MFAP2: variants seen among roughly 807,000 people sequenced by gnomAD.
MFAP2 encodes the protein microfibrillar-associated protein 2.
MFAP2 carries 23 observed loss-of-function variants against 30.6 expected under a neutral mutation model. The observed-to-expected ratio is 0.75, with a 90% CI of 0.54 to 1.07. MFAP2 has a LOEUF of 1.07. Among genes scored for constraint, MFAP2 ranks in the 50% least tolerant of loss-of-function variants. The probability of loss-of-function intolerance (pLI) is 0.00; values close to 1 mark genes in which losing one functional copy is unlikely to be tolerated. For missense variants in MFAP2, 198 were observed against 223.8 expected (o/e 0.88, Z 0.74); for synonymous variants, 73 against 85.7 (o/e 0.85, Z 0.82).
Position 16,976,190 on chromosome 1 carries a change from T to C in MFAP2, c.286+311A>G. 1 of 550,578 alleles carries C rather than the reference T, an allele frequency of 1.8e-6. No homozygotes were observed. Among genetic ancestry groups the C allele is most frequent in the Non-Finnish European group, 3.3e-6 (1 of 306,090 alleles). The allele number at this position is 550,578 out of a possible 1,614,324, so 34.1% of individuals were successfully genotyped here. A position where few individuals can be genotyped will look rare whatever the true frequency, so the allele number is the denominator to read the frequency against. The stretch of plus-strand genomic sequence containing the variant: ...TCCCTGGCCCTTCCTCGCCTCCACA[T>C]GTGCACCACTCAGTCTCTCTGGCTG... On this transcript the variant is annotated intron_variant, in intron 6 of 8. Coordinates refer to ENST00000375535, the MANE Select transcript of MFAP2 (RefSeq NM_002403.4). This position sits in a 1 kb window ranked among gnomAD's most constrained non-coding sequence, Gnocchi z 5.5.
upstream of MFAP2, among the ~76,000 whole-genome samples, chr1:16,981,496 C>A (rs2100592966): frequency 6.6e-6 from 1 of 152,350 alleles, no homozygotes; most frequent in Middle Eastern, 3.4e-3. Context: ...TAATCCAGCA[C>A]CCACCCGTGA....
rs763734113 is a variant in MFAP2 at position 16,976,790 on chromosome 1, C to A, written c.159G>T (p.Val53=). The A allele has an allele frequency of 6.2e-7, 1 of 1,614,050 alleles. No individual in the cohort carries two copies. Among genetic ancestry groups the A allele is most frequent in the Non-Finnish European group, 8.5e-7 (1 of 1,179,982 alleles). ...DNPDYYDYQE[V]TPRPSEEQFQ... is the part of the protein sequence containing the mutation. ...ACTGTTCCTCGGAGGGCCGAGGAGTCACCTCTGCAGCCAGGGGAGGATAAG... is the reference window on the plus strand; with the variant it reads ...ACTGTTCCTCGGAGGGCCGAGGAGTAACCTCTGCAGCCAGGGGAGGATAAG... The change falls in exon 5 of 9, where the codon GTG becomes GTT. Residue 53 remains valine (V), a synonymous_variant. Coordinates refer to ENST00000375535, the MANE Select transcript of MFAP2 (RefSeq NM_002403.4). This position sits in a 1 kb window ranked among gnomAD's most constrained non-coding sequence, Gnocchi z 5.5.
chr1:16,975,285 A>G lies in MFAP2; in HGVS notation c.432T>C (p.His144=), dbSNP rs761422. ...CCTTCCTACCTCGGAGGAGCTCCTC[A>G]TGGGCACACACTGTACGAACACAGA... ...KEICVRTVCA[H]EELLRADLCR... The change falls in exon 8 of 9, where the codon CAT becomes CAC. Residue 144 remains histidine, a synonymous_variant. Coordinates refer to ENST00000375535, the MANE Select transcript of MFAP2 (RefSeq NM_002403.4). The surrounding 1 kb of genome is among the most constrained non-coding windows in gnomAD (Gnocchi z 5.0). 0.47 allele frequency: 758,878 copies of G among 1,612,558 alleles called. 181,000 individuals carry two copies. Among genetic ancestry groups the G allele is most frequent in the Non-Finnish European group, 0.49 (573,407 of 1,179,170 alleles).
At position 16,975,629 on chromosome 1, in the gene MFAP2, C is replaced by CCAT. The variant is rs1483875081; in HGVS notation, c.374+11_374+13dup. 1.6e-5 allele frequency: 25 copies of CCAT among 1,612,872 alleles called. No individual in the cohort carries two copies. The highest frequency in any genetic ancestry group is 2.1e-5 in the Non-Finnish European group (25 of 1,179,140). On this transcript the variant is annotated intron_variant, in intron 7 of 8. Transcript: ENST00000375535. This position sits in a 1 kb window ranked among gnomAD's most constrained non-coding sequence, Gnocchi z 5.0. ...GCTCCGGAATCCTCCCGACAGCTGC[C>CCAT]CATCTGTGCTCACCTGTAGAAGCAG...
At position 16,976,402 on chromosome 1, in the gene MFAP2, G is replaced by A; in HGVS notation, c.286+99C>T. Reference sequence around the variant, plus strand: ...GCCCACACTGCCAAGAGCCCACATGGGCAAGGGCCAAAGACCTCCAGCCCA... The same window carrying A: ...GCCCACACTGCCAAGAGCCCACATGAGCAAGGGCCAAAGACCTCCAGCCCA... On this transcript the variant is annotated intron_variant, in intron 6 of 8. Transcript: ENST00000375535. This position sits in a 1 kb window ranked among gnomAD's most constrained non-coding sequence, Gnocchi z 5.5. 6.7e-7 allele frequency: 1 copy of A among 1,496,030 alleles called. No individual in the cohort carries two copies. The highest frequency in any genetic ancestry group is 9.3e-7 in the Non-Finnish European group (1 of 1,073,716). 92.7% of individuals were successfully genotyped at this position (1,496,030 alleles called of 1,614,324 possible). A position where few individuals can be genotyped will look rare whatever the true frequency, so the allele number is the denominator to read the frequency against.
chr1:16,979,455 T>C (rs1266863342), intron 1 of MFAP2, among the ~76,000 whole-genome samples: 1 of 152,172 alleles, frequency 6.6e-6, no homozygotes, highest in African/African-American at 2.4e-5. Context: ...GGTCTTTCCC[T>C]CCTTCCTCTC....
In MFAP2 at chr1:16,976,979, T is replaced by C. The variant is rs374155216; in HGVS notation, c.128-56A>G. The C allele has an allele frequency of 1.2e-6, 2 of 1,613,746 alleles. No homozygotes were observed. On this transcript the variant is annotated intron_variant, in intron 3 of 8. Coordinates refer to ENST00000375535, the MANE Select transcript of MFAP2 (RefSeq NM_002403.4). The surrounding 1 kb of genome is among the most constrained non-coding windows in gnomAD (Gnocchi z 5.5). ...GGAGTAAGGCTAATCCCCCAGCCCC[T>C]GGGGCAAACAAGTTCCCTCCTGAGC... is the stretch of plus-strand genomic sequence containing the variant.
rs1214587403 is a variant in MFAP2 at position 16,976,035 on chromosome 1, GA to G, written c.287-306del. ...CCGAGCAGACGTGCCCACGCTCACA[GA>G]AGCCCACATAGGAGCGCTCACACCA... On this transcript the variant is annotated intron_variant, in intron 6 of 8. Coordinates refer to ENST00000375535, the MANE Select transcript of MFAP2 (RefSeq NM_002403.4). This position sits in a 1 kb window ranked among gnomAD's most constrained non-coding sequence, Gnocchi z 5.5. 4.2e-6 allele frequency: 2 copies of G among 478,222 alleles called. No homozygotes were observed. Among genetic ancestry groups the G allele is most frequent in the Non-Finnish European group, 7.6e-6 (2 of 264,554 alleles). 29.6% of individuals were successfully genotyped at this position (478,222 alleles called of 1,614,324 possible).
In MFAP2 at chr1:16,978,161, C is replaced by T. The variant is rs1284595933; in HGVS notation, c.37+76G>A. Reference sequence around the variant, plus strand: ...GGTCATAAGTCGTGACAAAGGCTCACTATGAATTCCCCCTACTAACCCTAC... The same window carrying T: ...GGTCATAAGTCGTGACAAAGGCTCATTATGAATTCCCCCTACTAACCCTAC... On this transcript the variant is annotated intron_variant, in intron 2 of 8. Coordinates refer to ENST00000375535, the MANE Select transcript of MFAP2 (RefSeq NM_002403.4). The T allele has an allele frequency of 2.7e-6, 4 of 1,475,812 alleles. No homozygotes were observed. In the East Asian group the frequency reaches 7.4e-5, roughly 27 times the overall value. 91.4% of individuals were successfully genotyped at this position (1,475,812 alleles called of 1,614,324 possible).
intron 2 of MFAP2, 104 bp downstream of exon 2, chr1:16,978,133 T>G: frequency 7.6e-7 from 1 of 1,308,062 alleles, no homozygotes. Flanking sequence ...GGAGCTGAGT[T>G]CTGGTCATAA....
rs1386650574 is a variant in MFAP2, at chr1:16,975,595, G to GC, written c.374+47dup. 5.7e-6 allele frequency: 9 copies of GC among 1,580,766 alleles called. No individual in the cohort carries two copies. The highest frequency in any genetic ancestry group is 1.7e-5 in the Admixed American group (1 of 59,008). Reference sequence around the variant, plus strand: ...CCAGAGCTGTCCCCTGTGCCCTCTAGCCCCCCATGCTCCGGAATCCTCCCG... The same window carrying GC: ...CCAGAGCTGTCCCCTGTGCCCTCTAGCCCCCCCATGCTCCGGAATCCTCCCG... On this transcript the variant is annotated intron_variant, in intron 7 of 8. Transcript: ENST00000375535. This position sits in a 1 kb window ranked among gnomAD's most constrained non-coding sequence, Gnocchi z 5.0.
At position 16,975,749 on chromosome 1, in the gene MFAP2, A is replaced by T. The variant is rs1286962221; in HGVS notation, c.287-19T>A. The stretch of plus-strand genomic sequence containing the variant: ...CGGCAGTCTGGTGACAGGTGGGGTC[A>T]GACTAGGAGCCCAGAGTGGGGGGCG... On this transcript the variant is annotated intron_variant, in intron 6 of 8. Transcript: ENST00000375535. The surrounding 1 kb of genome is among the most constrained non-coding windows in gnomAD (Gnocchi z 5.0). The T allele has an allele frequency of 8.7e-6, 14 of 1,609,556 alleles. No homozygotes were observed. In the Admixed American group the frequency reaches 2.3e-4, roughly 27 times the overall value.
At chr1:16,979,933 G>A (rs1287426805) in intron 1 of MFAP2, among the ~76,000 whole-genome samples, 1 of 152,142 alleles carries the variant, frequency 6.6e-6, no homozygotes, top group Non-Finnish European at 1.5e-5. Context: ...GGGGTTTTGG[G>A]GCGTGCGGGA....
Position 16,975,561 on chromosome 1 carries a change from C to T in MFAP2, c.374+82G>A, listed in dbSNP as rs565160795. On this transcript the variant is annotated intron_variant, in intron 7 of 8. Transcript: ENST00000375535. The surrounding 1 kb of genome is among the most constrained non-coding windows in gnomAD (Gnocchi z 5.0). ...TCACTATCTTTCCTCCAACTCCCAC[C>T]TTGGCGGGCCAGAGCTGTCCCCTGT... The T allele has an allele frequency of 1.4e-6, 2 of 1,451,650 alleles. No homozygotes were observed. The highest frequency in any genetic ancestry group is 1.9e-6 in the Non-Finnish European group (2 of 1,043,898). 89.9% of individuals were successfully genotyped at this position (1,451,650 alleles called of 1,614,324 possible).
Position 16,976,620 on chromosome 1 carries a change from C to A in MFAP2, c.242-75G>T. On this transcript the variant is annotated intron_variant, in intron 5 of 8. Transcript: ENST00000375535. The surrounding 1 kb of genome is among the most constrained non-coding windows in gnomAD (Gnocchi z 5.5). ...GGGCAAGGGGAGTCACCTCTCCCAGCCCTGGCAGACCCCCACTCCCAGGGT... is the reference window on the plus strand; with the variant it reads ...GGGCAAGGGGAGTCACCTCTCCCAGACCTGGCAGACCCCCACTCCCAGGGT... The A allele has an allele frequency of 1.2e-6, 2 of 1,611,682 alleles. No individual in the cohort carries two copies. Among genetic ancestry groups the A allele is most frequent in the South Asian group, 1.1e-5 (1 of 91,028 alleles).
At chr1:16,977,318 A>G in intron 2 of MFAP2, 120 bp from the exon 3 acceptor site, 1 of 871,482 alleles carries the variant, frequency 1.1e-6, no homozygotes, top group Non-Finnish European at 1.8e-6. Context: ...AGGACCCCAC[A>G]AGCAGATTCC....
chr1:16,975,054 G>C lies in MFAP2; in HGVS notation c.449-31C>G. ...GGGGGCAGGAAGGAGGCAGGGTCAG[G>C]GTGGAGCTGGGTGATGGGAACCGCT... On this transcript the variant is annotated intron_variant, in intron 8 of 8. Coordinates refer to ENST00000375535, the MANE Select transcript of MFAP2 (RefSeq NM_002403.4). This position sits in a 1 kb window ranked among gnomAD's most constrained non-coding sequence, Gnocchi z 5.0. 1.0e-6 allele frequency: 1 copy of C among 955,560 alleles called. No individual in the cohort carries two copies. 59.2% of individuals were successfully genotyped at this position (955,560 alleles called of 1,614,324 possible).
intron 2 of MFAP2, 66 bp downstream of exon 2, chr1:16,978,171 C>T (rs1356280668): frequency 6.7e-6 from 10 of 1,502,078 alleles, no homozygotes; most frequent in African/African-American, 1.4e-5. Flanking sequence ...CTATGAATTC[C>T]CCCTACTAAC....
At chr1:16,978,188 C>A in intron 2 of MFAP2, 49 bp downstream of exon 2, 1 of 1,543,090 alleles carries the variant, frequency 6.5e-7, no homozygotes, top group East Asian at 2.4e-5. Context: ...TAACCCTACT[C>A]CTCAGCCCCA....
Sources: gnomAD v4.1 joint callset for allele counts (sites outside exome capture counted in the v4.1 genomes callset) on GRCh38, gnomAD v4.1.1 for gene constraint, Gnocchi (gnomAD v3.1) non-coding constraint, MANE v1.5 for transcripts, NCBI Gene and HGNC (gene_info 2026-07-23, HGNC 2026-07-21) for gene names.